NRXN3: variants seen among roughly 807,000 people sequenced by gnomAD.
The protein encoded by NRXN3 is neurexin III.
NRXN3 carries 32 observed loss-of-function variants against 137.6 expected under a neutral mutation model. The observed-to-expected ratio is 0.23, with a 90% confidence interval of 0.18 to 0.31. NRXN3 has a LOEUF of 0.31. Among genes scored for constraint, NRXN3 ranks in the 10% least tolerant of loss-of-function variants. The probability of loss-of-function intolerance (pLI) is 1.00; values close to 1 mark genes in which losing one functional copy is unlikely to be tolerated. For missense variants in NRXN3, 1,574 were observed against 2,062.5 expected, an observed-to-expected ratio of 0.76 and a Z score of 4.59; for synonymous variants, 798 against 784.5, an observed-to-expected ratio of 1.02 and a Z score of -0.29.
intron 15 of NRXN3, among the ~76,000 whole-genome samples, chr14:79,186,252 A>AAG (rs1430109062): frequency 1.3e-5 from 1 of 78,432 alleles, no homozygotes; most frequent in Non-Finnish European, 3.6e-5. Flanking sequence ...GTGTTACCTG[A>AAG]AAAAAAAAGG....
intron 15 of NRXN3, among the ~76,000 whole-genome samples, chr14:79,207,234 A>C (rs1306046002): frequency 6.6e-6 from 1 of 152,182 alleles, no homozygotes; most frequent in Non-Finnish European, 1.5e-5. Flanking sequence ...GGGATTTTTT[A>C]ATAAACGCAA....
rs368306831 is a variant in NRXN3, at chr14:79,087,679, G to A, written c.3262+99538G>A. 3.9e-5 allele frequency among the ~76,000 whole-genome samples: 6 copies of A among 152,282 alleles called. No homozygotes were observed. In the South Asian group the frequency reaches 8.3e-4, roughly 21 times the overall value. On this transcript the variant is annotated intron_variant, in intron 15 of 20. Coordinates refer to ENST00000335750, the MANE Select transcript of NRXN3 (RefSeq NM_001330195.2). ...ATATAACTCTCCATTTTCTCAGGAG[G>A]TCTAACTCATTACAGTTCCATTTAA...
chr14:79,723,554 T>C (rs982676271), intron 19 of NRXN3, among the ~76,000 whole-genome samples: 3 of 152,102 alleles, frequency 2.0e-5, no homozygotes, highest in Non-Finnish European at 4.4e-5. Context: ...CTCCTTCCCC[T>C]TTGTTTTCTC....
chr14:79,620,427 C>A (rs2098211263), intron 16 of NRXN3, among the ~76,000 whole-genome samples: 1 of 151,912 alleles, frequency 6.6e-6, no homozygotes, highest in Non-Finnish European at 1.5e-5. Flanking sequence ...AGAACATGAG[C>A]AAAGATGGAT....
At chr14:78,537,006 T>TTGA (rs1210509933) in intron 4 of NRXN3, among the ~76,000 whole-genome samples, 1 of 152,242 alleles carries the variant, frequency 6.6e-6, no homozygotes, top group African/African-American at 2.4e-5. Flanking sequence ...CAGTCTATCA[T>TTGA]TGATGGACAT....
chr14:78,668,512 T>G (rs1348579627), intron 6 of NRXN3, among the ~76,000 whole-genome samples: 2 of 150,974 alleles, frequency 1.3e-5, no homozygotes, highest in Non-Finnish European at 3.0e-5. Flanking sequence ...GGTGGAGGAG[T>G]GGTTGGAGGG....
intron 15 of NRXN3, among the ~76,000 whole-genome samples, chr14:79,443,139 T>C (rs1187349422): frequency 6.6e-6 from 1 of 152,256 alleles, no homozygotes; most frequent in Admixed American, 6.5e-5. Flanking sequence ...TAAAATCATT[T>C]ACAATATAGG....
chr14:79,548,857 G>C (rs535291365), intron 16 of NRXN3, among the ~76,000 whole-genome samples: 4 of 151,938 alleles, frequency 2.6e-5, no homozygotes, highest in African/African-American at 4.8e-5. Context: ...TGCCAATGTC[G>C]TGCTTCCTGA....
Position 79,353,467 on chromosome 14 carries a change from C to T in NRXN3, c.3263-113754C>T, listed in dbSNP as rs116823642. ...CTTCACAATGGTCCTGTACAGTAAA[C>T]TTTGTTTGCTTTTGCATTTGAACTT... On this transcript the variant is annotated intron_variant, in intron 15 of 20. Transcript: ENST00000335750. Among the ~76,000 whole-genome samples the T allele has an allele frequency of 9.0e-3, 1,375 of 152,140 alleles. 21 individuals carry two copies. The highest frequency in any genetic ancestry group is 0.031 in the African/African-American group (1,301 of 41,518).
At chr14:79,152,204 G>C (rs569958282) in intron 15 of NRXN3, among the ~76,000 whole-genome samples, 2 of 152,016 alleles carry the variant, frequency 1.3e-5, no homozygotes, top group African/African-American at 2.4e-5. Flanking sequence ...GGAGGACAGC[G>C]ATAGAATGCT....
intron 1 of NRXN3, among the ~76,000 whole-genome samples, chr14:78,179,598 C>G (rs958992644): frequency 1.3e-5 from 2 of 152,070 alleles, no homozygotes; most frequent in African/African-American, 4.8e-5. Context: ...TGCCTCTTCC[C>G]CTGGCTCCAA....
intron 15 of NRXN3, among the ~76,000 whole-genome samples, chr14:79,333,855 G>C (rs896261090): frequency 6.6e-6 from 1 of 152,102 alleles, no homozygotes; most frequent in Non-Finnish European, 1.5e-5. Flanking sequence ...ATGATGACGA[G>C]AAAATTTAAG....
intron 8 of NRXN3, among the ~76,000 whole-genome samples, chr14:78,750,003 AG>A (rs2098633423): frequency 6.6e-6 from 1 of 152,240 alleles, no homozygotes. Context: ...AGCCTCCAAA[AG>A]CCCTGGCTGA....
chr14:78,349,122 A>G (rs182682946), intron 4 of NRXN3, among the ~76,000 whole-genome samples: 2 of 152,306 alleles, frequency 1.3e-5, no homozygotes, highest in East Asian at 3.9e-4. Flanking sequence ...GATTCTCATT[A>G]TTTTAAATGA....
chr14:79,587,791 T>C (rs2097773926), intron 16 of NRXN3, among the ~76,000 whole-genome samples: 1 of 152,230 alleles, frequency 6.6e-6, no homozygotes, highest in South Asian at 2.1e-4. Context: ...CAGTAGACTG[T>C]CCATAGTGGG....
chr14:78,995,631 C>T (rs908916628), intron 15 of NRXN3, among the ~76,000 whole-genome samples: 1 of 152,124 alleles, frequency 6.6e-6, no homozygotes, highest in African/African-American at 2.4e-5. Flanking sequence ...GCCCTGCCGG[C>T]TACTCTTCGA....
At chr14:79,663,002 A>T (rs2098541515) in intron 16 of NRXN3, among the ~76,000 whole-genome samples, 1 of 152,010 alleles carries the variant, frequency 6.6e-6, no homozygotes, top group Non-Finnish European at 1.5e-5. Context: ...TATCTAATTC[A>T]TTGCAATTTC....
chr14:79,452,272 T>C (rs535488018), intron 15 of NRXN3, among the ~76,000 whole-genome samples: 1 of 152,306 alleles, frequency 6.6e-6, no homozygotes, highest in African/African-American at 2.4e-5. Context: ...TTTCTAAGTT[T>C]ATTGCAAGAG....
intron 6 of NRXN3, among the ~76,000 whole-genome samples, chr14:78,669,112 C>G (rs1026577213): frequency 7.3e-5 from 11 of 151,540 alleles, no homozygotes; most frequent in African/African-American, 2.7e-4. Context: ...AGAACATGAA[C>G]AAAAGTTAAA....
Sources: allele counts gnomAD v4.1 joint callset (sites outside exome capture counted in the v4.1 genomes callset), GRCh38; gene constraint gnomAD v4.1.1; transcripts MANE v1.5; gene names NCBI Gene and HGNC (gene_info 2026-07-23, HGNC 2026-07-21).